Variants in AHRR observed in about 807,000 individuals in gnomAD.
AHRR encodes ahR repressor.
AHRR carries 28 observed loss-of-function variants against 44.0 expected under a neutral mutation model. The ratio of observed to expected loss-of-function variants is 0.64; its 90% CI spans 0.47 to 0.87. The LOEUF is 0.87. AHRR is among the 40% of genes least tolerant of loss of function. AHRR has a pLI of 0.00. For missense variants in AHRR, 990 were observed against 953.9 expected, an observed-to-expected ratio of 1.04 and a Z score of -0.50; for synonymous variants, 434 against 407.0, an observed-to-expected ratio of 1.07 and a Z score of -0.80.
At position 415,287 on chromosome 5, in the gene AHRR, GCAAAAA is replaced by G. The variant is rs1349932066; in HGVS notation, c.441+1855_441+1860del. 2.6e-5 allele frequency among the ~76,000 whole-genome samples: 4 copies of G among 152,376 alleles called. No individual in the cohort carries two copies. In the East Asian group the frequency reaches 7.7e-4, roughly 29 times the overall value. On this transcript the variant is annotated intron_variant, in intron 5 of 10. Coordinates refer to ENST00000684583, the MANE Select transcript of AHRR (RefSeq NM_001377236.1). ...CCAGAGGCAGCACACGGTGATTAAA[GCAAAAA>G]TCTGCCTGGTCGGGTGGGAGGCCTA...
Position 338,197 on chromosome 5 carries a change from A to G in AHRR, c.-10-5696A>G, listed in dbSNP as rs1742211180. On this transcript the variant is annotated intron_variant, in intron 1 of 10. Coordinates refer to ENST00000684583, the MANE Select transcript of AHRR (RefSeq NM_001377236.1). This position sits in a 1 kb window ranked among gnomAD's most constrained non-coding sequence, Gnocchi z 4.1. ...AGTCACTTATCTTTTAAAGATATCT[A>G]AGCAATAAGAACAAATTATGCATAT... 6.6e-6 allele frequency among the ~76,000 whole-genome samples: 1 copy of G among 152,178 alleles called. No individual in the cohort carries two copies. Among genetic ancestry groups the G allele is most frequent in the Admixed American group, 6.5e-5 (1 of 15,280 alleles).
At position 353,890 on chromosome 5, in the gene AHRR, C is replaced by T. The variant is rs763810046; in HGVS notation, c.223C>T (p.Arg75Trp). The T allele has an allele frequency of 1.1e-5, 18 of 1,613,530 alleles. No homozygotes were observed. Among genetic ancestry groups the T allele is most frequent in the African/African-American group, 6.7e-5 (5 of 74,940 alleles). The change falls in exon 3 of 11, where the codon CGG becomes TGG. Residue 75 changes from arginine to tryptophan, a missense_variant. By Grantham distance (101) the Arg-to-Trp change is moderately radical. Transcript: ENST00000684583. The stretch of plus-strand genomic sequence containing the variant: ...CCTGCGCCTCAGTGTCAGTTACCTC[C>T]GGGTGAAGAGCTTCTTCCAAGGTAG... ...SVLRLSVSYL[R>W]VKSFFQVVQE...
rs748248784 is a variant in AHRR at position 413,451 on chromosome 5, A to T, written c.441+18A>T. The T allele has an allele frequency of 6.4e-7, 1 of 1,563,130 alleles. No individual in the cohort carries two copies. The highest frequency in any genetic ancestry group is 8.8e-7 in the Non-Finnish European group (1 of 1,138,614). The stretch of plus-strand genomic sequence containing the variant: ...TCCATCAGGTAAATGAAACCAGAAT[A>T]GCCCTCCAGTCTGTTAAGTGCTATG... On this transcript the variant is annotated intron_variant, in intron 5 of 10. Coordinates refer to ENST00000684583, the MANE Select transcript of AHRR (RefSeq NM_001377236.1).
rs1742205047 is a variant in AHRR at position 338,086 on chromosome 5, T to C, written c.-10-5807T>C. Reference sequence around the variant, plus strand: ...ACTGTCACCTCACTTTGCGAATACATGTCTCCCCTCCCGGGTCTGTGTAGC... The same window carrying C: ...ACTGTCACCTCACTTTGCGAATACACGTCTCCCCTCCCGGGTCTGTGTAGC... On this transcript the variant is annotated intron_variant, in intron 1 of 10. Coordinates refer to ENST00000684583, the MANE Select transcript of AHRR (RefSeq NM_001377236.1). This position sits in a 1 kb window ranked among gnomAD's most constrained non-coding sequence, Gnocchi z 4.1. Among the ~76,000 whole-genome samples, 3 of 152,022 alleles carry C rather than the reference T, an allele frequency of 2.0e-5. No homozygotes were observed. In the South Asian group the frequency reaches 6.2e-4, roughly 31 times the overall value.
chr5:429,405 G>A (rs115234751), intron 8 of AHRR, among the ~76,000 whole-genome samples: 4,335 of 152,270 alleles, frequency 0.028, 123 homozygotes, highest in Middle Eastern at 0.082. Context: ...TGGGCGAGTT[G>A]CCGCTCCTGC....
intron 8 of AHRR, chr5:432,109 A>C (rs1736758382): frequency 3.4e-6 from 1 of 291,944 alleles, no homozygotes; most frequent in Non-Finnish European, 6.6e-6. Flanking sequence ...TTCCTGGAAC[A>C]TAACTACCTG....
At chr5:363,159 T>C (rs1279512006) in intron 3 of AHRR, among the ~76,000 whole-genome samples, 1 of 152,218 alleles carries the variant, frequency 6.6e-6, no homozygotes, top group Non-Finnish European at 1.5e-5. Context: ...TGCTGCCCCC[T>C]GGGTTCTGCC....
rs935028570 is a variant in AHRR at position 395,344 on chromosome 5, G to C, written c.352-18000G>C. Among the ~76,000 whole-genome samples the C allele has an allele frequency of 6.6e-6, 1 of 152,206 alleles. No individual in the cohort carries two copies. Among genetic ancestry groups the C allele is most frequent in the Non-Finnish European group, 1.5e-5 (1 of 68,044 alleles). On this transcript the variant is annotated intron_variant, in intron 4 of 10. Coordinates refer to ENST00000684583, the MANE Select transcript of AHRR (RefSeq NM_001377236.1). This position sits in a 1 kb window ranked among gnomAD's most constrained non-coding sequence, Gnocchi z 5.3. ...GTTAGCTGAACGCCAGGCTGAGCAG[G>C]GTCCGAAAATTAGGGGAATAAAAGT... is the stretch of plus-strand genomic sequence containing the variant.
intron 4 of AHRR, among the ~76,000 whole-genome samples, chr5:407,617 G>A (rs1014380450): frequency 6.6e-6 from 1 of 152,134 alleles, no homozygotes; most frequent in Non-Finnish European, 1.5e-5. Flanking sequence ...TCAGCTCACT[G>A]CAACCTCTGC....
chr5:421,528 G>A (rs183753775), intron 5 of AHRR, among the ~76,000 whole-genome samples: 106 of 152,348 alleles, frequency 7.0e-4, no homozygotes, highest in Non-Finnish European at 1.3e-3. Flanking sequence ...TCGTGATTGG[G>A]CGCATTTTGG....
intron 4 of AHRR, among the ~76,000 whole-genome samples, chr5:379,561 G>A (rs1733893543): frequency 6.6e-6 from 1 of 152,126 alleles, no homozygotes; most frequent in Admixed American, 6.5e-5. Context: ...TCTTGTTAGG[G>A]TTTTAGTTTG....
chr5:394,169 G>C (rs1734594260), intron 4 of AHRR, among the ~76,000 whole-genome samples: 1 of 152,230 alleles, frequency 6.6e-6, no homozygotes, highest in South Asian at 2.1e-4. Flanking sequence ...GCAGGAGGGA[G>C]GCCCTACAAG....
At chr5:402,164 A>T (rs1696310961) in intron 4 of AHRR, among the ~76,000 whole-genome samples, 1 of 152,218 alleles carries the variant, frequency 6.6e-6, no homozygotes, top group South Asian at 2.1e-4. Flanking sequence ...TCCAAAGGAG[A>T]CACAAAATGG....
At chr5:364,352 C>T (rs926446236) in intron 3 of AHRR, among the ~76,000 whole-genome samples, 1 of 152,116 alleles carries the variant, frequency 6.6e-6, no homozygotes, top group African/African-American at 2.4e-5. Flanking sequence ...TCAAATCAAA[C>T]ACCTTGTGTA....
chr5:431,607 AGCCCCCATGGCCCCCAGCAGCG>A (rs1011402303), intron 8 of AHRR, among the ~76,000 whole-genome samples: 11 of 151,324 alleles, frequency 7.3e-5, no homozygotes, highest in Non-Finnish European at 4.4e-5. Flanking sequence ...CCCCAACAGC[AGCCCCCATGGCCCCCAGCAGCG>A]GCCCCTAGCA....
At chr5:344,941 TGGG>T (rs1220298708) in intron 2 of AHRR, among the ~76,000 whole-genome samples, 4 of 26,324 alleles carry the variant, frequency 1.5e-4, no homozygotes, top group African/African-American at 6.4e-4. Context: ...GAGCTGTGTG[TGGG>T]GGGGGTGTGT....
At chr5:365,571 AAG>A (rs1485684795) in intron 3 of AHRR, among the ~76,000 whole-genome samples, 2 of 152,134 alleles carry the variant, frequency 1.3e-5, no homozygotes, top group Non-Finnish European at 2.9e-5. Context: ...ACAGTAAAAT[AAG>A]AGAGTCAAAG....
At chr5:433,806 C>G (rs762472032) in intron 10 of AHRR, 47 bp from the exon 11 acceptor site, 1 of 1,459,224 alleles carries the variant, frequency 6.9e-7, no homozygotes, top group Admixed American at 2.7e-5. Flanking sequence ...GCAGCCAGAC[C>G]TGGTGTCTTC....
chr5:432,362 C>A, intron 8 of AHRR, 101 bp from the exon 9 acceptor site: 1 of 1,106,836 alleles, frequency 9.0e-7, no homozygotes, highest in East Asian at 2.4e-5. Flanking sequence ...GGTGTGACAG[C>A]AATACCTGTC....
Sources: gnomAD v4.1 joint callset for allele counts (sites outside exome capture counted in the v4.1 genomes callset) on GRCh38, gnomAD v4.1.1 for gene constraint, Gnocchi (gnomAD v3.1) non-coding constraint, MANE v1.5 for transcripts, NCBI Gene and HGNC (gene_info 2026-07-23, HGNC 2026-07-21) for gene names.